The following YBX2 variants were observed in gnomAD, a reference collection of about 807,000 sequenced individuals.
YBX2 encodes Y-box binding protein 2, also known as Y-box-binding protein 2.
Under a neutral mutation model 44.4 loss-of-function variants are expected in YBX2, and 5 were observed. That is an observed-to-expected ratio of 0.11 (90% CI 0.06 to 0.24). YBX2 has a LOEUF of 0.24. Among genes scored for constraint, YBX2 ranks in the 10% least tolerant of loss-of-function variants. The pLI is 1.00. For synonymous variants in YBX2, 188 were observed against 216.1 expected (o/e 0.87, Z 1.14); for missense variants, 417 against 526.9 (o/e 0.79, Z 2.04).
In YBX2 at chr17:7,294,106, C is replaced by T; in HGVS notation, c.271+124G>A. 7 of 1,086,284 alleles carry T rather than the reference C, an allele frequency of 6.4e-6. No individual in the cohort carries two copies. The highest frequency in any genetic ancestry group is 7.0e-6 in the Non-Finnish European group (6 of 853,618). The allele number at this position is 1,086,284 out of a possible 1,614,324, so 67.3% of individuals were successfully genotyped here. On this transcript the variant is annotated intron_variant, in intron 1 of 8. Coordinates refer to ENST00000007699, the MANE Select transcript of YBX2 (RefSeq NM_015982.4). This position sits in a 1 kb window ranked among gnomAD's most constrained non-coding sequence, Gnocchi z 4.6. ...CCACTTTGGTGCGCAGCTCCCAGCCCAGTTAGCGCTCTGGGCCTGCGGGCC... is the reference window on the plus strand; with the variant it reads ...CCACTTTGGTGCGCAGCTCCCAGCCTAGTTAGCGCTCTGGGCCTGCGGGCC...
chr17:7,288,333 G>C lies in YBX2; in HGVS notation c.*350C>G, dbSNP rs927524343. ...CATAAAATGGCTTCAGAGGTAGGGG[G>C]CCGGGGGAAAACAAAAATAAACTTG... is the stretch of plus-strand genomic sequence containing the variant. On this transcript the variant is annotated 3_prime_UTR_variant, in exon 9 of 9. Transcript: ENST00000007699. 20 of 177,370 alleles carry C rather than the reference G, an allele frequency of 1.1e-4. No individual in the cohort carries two copies. Among genetic ancestry groups the C allele is most frequent in the Non-Finnish European group, 2.2e-4 (18 of 82,810 alleles). The allele number at this position is 177,370 out of a possible 1,614,324, so 11.0% of individuals were successfully genotyped here.
chr17:7,293,317 G>T, intron 2 of YBX2, 158 bp downstream of exon 2: 1 of 1,341,658 alleles, frequency 7.5e-7, no homozygotes, highest in Non-Finnish European at 1.0e-6. Context: ...TTGTCACGAA[G>T]CACACATTTG....
intron 1 of YBX2, 137 bp from the exon 2 acceptor site, chr17:7,293,675 A>C: frequency 6.6e-7 from 1 of 1,509,166 alleles, no homozygotes. Context: ...CAAGCCAACC[A>C]GGTTTCACTA....
At chr17:7,290,117 C>T (rs2072490051) in intron 5 of YBX2, 46 bp from the exon 6 acceptor site, 2 of 1,612,208 alleles carry the variant, frequency 1.2e-6, no homozygotes, top group East Asian at 2.2e-5. Flanking sequence ...ACAGCAGCTG[C>T]TCTGGAGCCA....
rs937767641 is a variant in YBX2 at position 7,294,171 on chromosome 17, C to A, written c.271+59G>T. The A allele has an allele frequency of 5.6e-6, 7 of 1,243,330 alleles. No homozygotes were observed. Among genetic ancestry groups the A allele is most frequent in the Non-Finnish European group, 6.0e-6 (6 of 996,308 alleles). 77.0% of individuals were successfully genotyped at this position (1,243,330 alleles called of 1,614,324 possible). A position where few individuals can be genotyped will look rare whatever the true frequency, so the allele number is the denominator to read the frequency against. On this transcript the variant is annotated intron_variant, in intron 1 of 8. Transcript: ENST00000007699. The surrounding 1 kb of genome is among the most constrained non-coding windows in gnomAD (Gnocchi z 4.6). ...TTTCCGGATCCTGCCGGGCTCCACA[C>A]TGCCCCTCCCCCAGCCCGCCGACCC...
Position 7,291,341 on chromosome 17 carries a change from A to C in YBX2, c.370-159T>G, listed in dbSNP as rs1053349188. ...GGTGGTCAAAGTTTAGCAGGGGAAA[A>C]GTCCTGAACTCAGGGCCTCAGCAGA... is the stretch of plus-strand genomic sequence containing the variant. On this transcript the variant is annotated intron_variant, in intron 3 of 8. Transcript: ENST00000007699. This position sits in a 1 kb window ranked among gnomAD's most constrained non-coding sequence, Gnocchi z 5.8. The C allele has an allele frequency of 1.2e-5, 9 of 721,946 alleles. No homozygotes were observed. Among genetic ancestry groups the C allele is most frequent in the Admixed American group, 2.1e-5 (1 of 48,256 alleles). 44.7% of individuals were successfully genotyped at this position (721,946 alleles called of 1,614,324 possible).
At chr17:7,293,448 C>T in intron 2 of YBX2, 27 bp downstream of exon 2, 1 of 1,613,938 alleles carries the variant, frequency 6.2e-7, no homozygotes, top group South Asian at 1.1e-5. Context: ...ACACCCATTC[C>T]ACCCCCGCCC....
chr17:7,291,288 G>T lies in YBX2; in HGVS notation c.370-106C>A. On this transcript the variant is annotated intron_variant, in intron 3 of 8. Transcript: ENST00000007699. The surrounding 1 kb of genome is among the most constrained non-coding windows in gnomAD (Gnocchi z 5.8). ...TTCATTCTTTCAACATTTGACTTGG[G>T]GTCTAGAGCTGGAGGGTGGAGCAAG... The T allele has an allele frequency of 8.7e-7, 1 of 1,149,060 alleles. No homozygotes were observed. Among genetic ancestry groups the T allele is most frequent in the Non-Finnish European group, 1.3e-6 (1 of 775,452 alleles). 71.2% of individuals were successfully genotyped at this position (1,149,060 alleles called of 1,614,324 possible). A position where few individuals can be genotyped will look rare whatever the true frequency, so the allele number is the denominator to read the frequency against.
intron 4 of YBX2, 88 bp from the exon 5 acceptor site, chr17:7,290,623 C>A: frequency 1.3e-6 from 2 of 1,486,254 alleles, no homozygotes; most frequent in South Asian, 1.3e-5. Context: ...CAGGGGAAGA[C>A]CCCTCTCCAG....
chr17:7,293,383 C>T, intron 2 of YBX2, 92 bp downstream of exon 2: 6 of 1,590,468 alleles, frequency 3.8e-6, no homozygotes, highest in African/African-American at 1.3e-5. Flanking sequence ...CCATGTGCCT[C>T]CGCAGGGGTC....
At position 7,288,807 on chromosome 17, in the gene YBX2, G is replaced by A. The variant is rs1340482688; in HGVS notation, c.1076C>T (p.Thr359Ile). 6.2e-7 allele frequency: 1 copy of A among 1,613,840 alleles called. No homozygotes were observed. Among genetic ancestry groups the A allele is most frequent in the African/African-American group, 1.3e-5 (1 of 74,906 alleles). ...TSAPVNSGDPTTTILE is the reference protein window; with the variant it reads ...TSAPVNSGDPITTILE Reference sequence around the variant, plus strand: ...TTGGAATCACTCCAGGATGGTGGTGGTGGGGTCCCCACTGTTGACAGGGGC... The same window carrying A: ...TTGGAATCACTCCAGGATGGTGGTGATGGGGTCCCCACTGTTGACAGGGGC... Residue 359 changes from threonine (T) to isoleucine (I), a missense_variant, in exon 8 of 9, where the codon ACC becomes ATC. Physicochemically the swap from Thr to Ile is moderately conservative, Grantham distance 89. Coordinates refer to ENST00000007699, the MANE Select transcript of YBX2 (RefSeq NM_015982.4).
In YBX2 at chr17:7,291,941, A is replaced by G; in HGVS notation, c.369+85T>C. On this transcript the variant is annotated intron_variant, in intron 3 of 8. Coordinates refer to ENST00000007699, the MANE Select transcript of YBX2 (RefSeq NM_015982.4). This position sits in a 1 kb window ranked among gnomAD's most constrained non-coding sequence, Gnocchi z 5.8. Reference sequence around the variant, plus strand: ...CGTTGTGAAGAAGAGCCAGAGAAACATGGCGGAGCGCACTGCTAAGGATTA... The same window carrying G: ...CGTTGTGAAGAAGAGCCAGAGAAACGTGGCGGAGCGCACTGCTAAGGATTA... 6.5e-7 allele frequency: 1 copy of G among 1,548,878 alleles called. No individual in the cohort carries two copies. The highest frequency in any genetic ancestry group is 2.2e-5 in the East Asian group (1 of 44,462).
rs375008608 is a variant in YBX2, at chr17:7,291,043, C to T, written c.459+50G>A. 13 of 1,586,752 alleles carry T rather than the reference C, an allele frequency of 8.2e-6. No individual in the cohort carries two copies. Among genetic ancestry groups the T allele is most frequent in the Admixed American group, 5.0e-5 (3 of 59,960 alleles). On this transcript the variant is annotated intron_variant, in intron 4 of 8. Coordinates refer to ENST00000007699, the MANE Select transcript of YBX2 (RefSeq NM_015982.4). The surrounding 1 kb of genome is among the most constrained non-coding windows in gnomAD (Gnocchi z 5.8). ...TCTTAGCCTGTGATGACCTCCAGGC[C>T]ACCCTCCCGTAAGCCTAGTCAACTC...
rs1467169685 is a variant in YBX2, at chr17:7,294,128, G to A, written c.271+102C>T. 8.4e-7 allele frequency: 1 copy of A among 1,197,332 alleles called. No homozygotes were observed. Among genetic ancestry groups the A allele is most frequent in the Non-Finnish European group, 1.0e-6 (1 of 956,684 alleles). 74.2% of individuals were successfully genotyped at this position (1,197,332 alleles called of 1,614,324 possible). On this transcript the variant is annotated intron_variant, in intron 1 of 8. Coordinates refer to ENST00000007699, the MANE Select transcript of YBX2 (RefSeq NM_015982.4). This position sits in a 1 kb window ranked among gnomAD's most constrained non-coding sequence, Gnocchi z 4.6. ...GCCCAGTTAGCGCTCTGGGCCTGCGGGCCAGGCCGCCTTTGGTTTTCCGGA... is the reference window on the plus strand; with the variant it reads ...GCCCAGTTAGCGCTCTGGGCCTGCGAGCCAGGCCGCCTTTGGTTTTCCGGA...
At position 7,291,949 on chromosome 17, in the gene YBX2, G is replaced by C; in HGVS notation, c.369+77C>G. 6.4e-7 allele frequency: 1 copy of C among 1,568,636 alleles called. No individual in the cohort carries two copies. On this transcript the variant is annotated intron_variant, in intron 3 of 8. Coordinates refer to ENST00000007699, the MANE Select transcript of YBX2 (RefSeq NM_015982.4). The surrounding 1 kb of genome is among the most constrained non-coding windows in gnomAD (Gnocchi z 5.8). ...AGAAGAGCCAGAGAAACATGGCGGA[G>C]CGCACTGCTAAGGATTACAGCAAAG...
chr17:7,291,209 A>G lies in YBX2; in HGVS notation c.370-27T>C. 4 of 1,611,214 alleles carry G rather than the reference A, an allele frequency of 2.5e-6. No individual in the cohort carries two copies. ...TGATTGGGGAAAAGGCCATGTGAAA[A>G]GTGAGACAGCAAGACAGGAGTCTCT... On this transcript the variant is annotated intron_variant, in intron 3 of 8. Transcript: ENST00000007699. This position sits in a 1 kb window ranked among gnomAD's most constrained non-coding sequence, Gnocchi z 5.8.
At position 7,289,842 on chromosome 17, in the gene YBX2, C is replaced by T. The variant is rs78782120; in HGVS notation, c.849-117G>A. 1.1e-3 allele frequency: 1,709 copies of T among 1,584,190 alleles called. 15 individuals carry two copies. The African/African-American group carries it at 0.02, about 18-fold the overall frequency. On this transcript the variant is annotated intron_variant, in intron 6 of 8. Transcript: ENST00000007699. ...TTCCAGCCCATGAGCACTGCCTCCC[C>T]GCAAGGCACCTGTCTCGCCAGGAGC...
At position 7,290,019 on chromosome 17, in the gene YBX2, T is replaced by C; in HGVS notation, c.797A>G (p.Gln266Arg). Residue 266 changes from glutamine (Q) to arginine (R), a missense_variant, in exon 6 of 9, where the codon CAG (glutamine) becomes CGG (arginine). Physicochemically the swap from Gln to Arg is conservative, Grantham distance 43. This residue lies in a region of YBX2 where 257 missense variants were observed against 261.7 expected (regional missense o/e 0.98). Transcript: ENST00000007699. ...KETAPLEGHQ[Q>R]QGDERVPPPR... is the part of the protein sequence containing the mutation. The stretch of plus-strand genomic sequence containing the variant: ...CGGGGGGACTCGCTCATCTCCCTGC[T>C]GTTGGTGCCCCTCCAATGGGGCTGT... The C allele has an allele frequency of 6.2e-7, 1 of 1,614,254 alleles. No individual in the cohort carries two copies. The highest frequency in any genetic ancestry group is 1.3e-5 in the African/African-American group (1 of 75,074).
intron 1 of YBX2, 80 bp from the exon 2 acceptor site, chr17:7,293,618 C>CAA: frequency 6.3e-7 from 1 of 1,587,988 alleles, no homozygotes; most frequent in Non-Finnish European, 8.6e-7. Context: ...CACTCCAAAA[C>CAA]AAAAAAAAAT....
Sources: gnomAD v4.1 joint callset for allele counts on GRCh38, gnomAD v4.1.1 for gene constraint, gnomAD v4.1.1 regional missense constraint, Gnocchi (gnomAD v3.1) non-coding constraint, MANE v1.5 for transcripts, NCBI Gene and HGNC (gene_info 2026-07-23, HGNC 2026-07-21) for gene names.